The following GATB variants were observed in gnomAD, a reference collection of about 807,000 sequenced individuals.
GATB encodes glutamyl-tRNA(Gln) amidotransferase subunit B, mitochondrial.
In GATB, 39 loss-of-function variants were observed where a neutral mutation model predicts 62.3. The ratio of observed to expected loss-of-function variants is 0.63; its 90% CI spans 0.48 to 0.82. GATB has a LOEUF of 0.82. Ranked by LOEUF, GATB falls within the 40% of genes least tolerant of loss-of-function variation. GATB has a pLI of 0.00. For missense variants in GATB, 670 were observed against 684.0 expected, an observed-to-expected ratio of 0.98 and a Z score of 0.23; for synonymous variants, 276 against 258.9, an observed-to-expected ratio of 1.07 and a Z score of -0.63.
intron 12 of GATB, chr4:151,672,539 G>C (rs1737896752): frequency 1.8e-6 from 1 of 541,888 alleles, no homozygotes. Context: ...GTAAACTCCA[G>C]GGGTGGCATC....
intron 2 of GATB, among the ~76,000 whole-genome samples, chr4:151,733,871 C>T (rs1739317592): frequency 6.6e-6 from 1 of 152,116 alleles, no homozygotes; most frequent in African/African-American, 2.4e-5. Context: ...TCAATAGATG[C>T]AGAAAGGGCA....
At chr4:151,673,222 G>T (rs1327966669) in intron 11 of GATB, 2 of 202,238 alleles carry the variant, frequency 9.9e-6, no homozygotes, top group East Asian at 2.2e-4. Flanking sequence ...TGCCCAGAGG[G>T]ATGGTGAGTC....
At chr4:151,714,746 C>A (rs1259532848) in intron 5 of GATB, among the ~76,000 whole-genome samples, 2 of 152,084 alleles carry the variant, frequency 1.3e-5, no homozygotes, top group African/African-American at 4.8e-5. Flanking sequence ...ACACTTGGAG[C>A]ATAAATGGAT....
At position 151,730,499 on chromosome 4, in the gene GATB, A is replaced by G. The variant is rs986444614; in HGVS notation, c.328-10961T>C. 6.6e-6 allele frequency among the ~76,000 whole-genome samples: 1 copy of G among 152,228 alleles called. No homozygotes were observed. Among genetic ancestry groups the G allele is most frequent in the Non-Finnish European group, 1.5e-5 (1 of 68,040 alleles). On this transcript the variant is annotated intron_variant, in intron 2 of 12. Transcript: ENST00000263985. The surrounding 1 kb of genome is among the most constrained non-coding windows in gnomAD (Gnocchi z 4.1). The stretch of plus-strand genomic sequence containing the variant: ...AATAAAGCATTAAACCACCAAAGCT[A>G]AGGACTCCCACGGAGTCCACTGCAC...
intron 1 of GATB, among the ~76,000 whole-genome samples, chr4:151,760,218 A>G (rs1028956497): frequency 1.3e-5 from 2 of 152,208 alleles, no homozygotes; most frequent in Admixed American, 1.3e-4. Context: ...AATGAAGCAT[A>G]AACAGCTGTT....
chr4:151,741,954 A>G (rs907794805), intron 2 of GATB, among the ~76,000 whole-genome samples: 12 of 152,228 alleles, frequency 7.9e-5, no homozygotes, highest in African/African-American at 2.9e-4. Context: ...GAAAGAGCTC[A>G]GTCACCTGAT....
At chr4:151,724,978 G>C (rs1739109701) in intron 2 of GATB, among the ~76,000 whole-genome samples, 1 of 152,176 alleles carries the variant, frequency 6.6e-6, no homozygotes, top group Non-Finnish European at 1.5e-5. Flanking sequence ...GTATGAATCA[G>C]GAAAAGGAAA....
At position 151,730,351 on chromosome 4, in the gene GATB, A is replaced by G. The variant is rs6535819; in HGVS notation, c.328-10813T>C. On this transcript the variant is annotated intron_variant, in intron 2 of 12. Coordinates refer to ENST00000263985, the MANE Select transcript of GATB (RefSeq NM_004564.3). This position sits in a 1 kb window ranked among gnomAD's most constrained non-coding sequence, Gnocchi z 4.1. Reference sequence around the variant, plus strand: ...GTCCTTCCCTACTCAACCTGGTAACAGAAGACGAAGGACATACAATCTTGG... The same window carrying G: ...GTCCTTCCCTACTCAACCTGGTAACGGAAGACGAAGGACATACAATCTTGG... Among the ~76,000 whole-genome samples, 88,315 of 152,070 alleles carry G rather than the reference A, an allele frequency of 0.58. 27,830 individuals are homozygous for G. Among genetic ancestry groups the G allele is most frequent in the African/African-American group, 0.84 (35,045 of 41,508 alleles).
At chr4:151,671,355 C>T in intron 12 of GATB, 53 bp from the exon 13 acceptor site, 1 of 1,555,812 alleles carries the variant, frequency 6.4e-7, no homozygotes. Context: ...GGATTCATGC[C>T]CCCAAATCCC....
Position 151,671,067 on chromosome 4 carries a change from TGA to T in GATB, c.*105_*106del. ...CATAGCTGTGGCTTGGGACAGGGAT[TGA>T]GAGGCAGCTCTCAGGGCACATGGGC... On this transcript the variant is annotated 3_prime_UTR_variant, in exon 13 of 13. Transcript: ENST00000263985. The T allele has an allele frequency of 8.0e-7, 1 of 1,257,292 alleles. No homozygotes were observed. Among genetic ancestry groups the T allele is most frequent in the East Asian group, 2.3e-5 (1 of 43,080 alleles). 77.9% of individuals were successfully genotyped at this position (1,257,292 alleles called of 1,614,324 possible).
intron 2 of GATB, among the ~76,000 whole-genome samples, chr4:151,725,409 A>G (rs1739119029): frequency 6.6e-6 from 1 of 152,208 alleles, no homozygotes; most frequent in Non-Finnish European, 1.5e-5. Context: ...GCAAATACAT[A>G]CAGTTCTATG....
chr4:151,676,485 C>G (rs1393791117), intron 11 of GATB: 5 of 152,216 alleles, frequency 3.3e-5, no homozygotes, highest in African/African-American at 1.2e-4. Context: ...TCCCTTGAAC[C>G]ATGACTAACC....
intron 2 of GATB, among the ~76,000 whole-genome samples, chr4:151,727,738 G>A (rs1386600729): frequency 6.6e-6 from 1 of 152,194 alleles, no homozygotes; most frequent in Non-Finnish European, 1.5e-5. Context: ...TTCCTTATCT[G>A]TTTAGGGAAG....
chr4:151,686,663 A>AC, intron 10 of GATB, among the ~76,000 whole-genome samples: 1 of 68,488 alleles, frequency 1.5e-5, no homozygotes, highest in Non-Finnish European at 3.0e-5. Context: ...CCCCCCCCCC[A>AC]CCCCCCAGTT....
chr4:151,746,804 A>G (rs1312670892), intron 2 of GATB, among the ~76,000 whole-genome samples: 1 of 152,188 alleles, frequency 6.6e-6, no homozygotes, highest in Admixed American at 6.5e-5. Flanking sequence ...ATGCTGGGGA[A>G]CAGGGAGATG....
chr4:151,708,154 C>T (rs934514176), intron 5 of GATB, 53 bp from the exon 6 acceptor site: 108 of 1,197,206 alleles, frequency 9.0e-5, no homozygotes, highest in Non-Finnish European at 1.2e-4. Flanking sequence ...GTGACATAGT[C>T]TTTTAAAGGC....
chr4:151,757,737 A>G (rs550291977), intron 2 of GATB, among the ~76,000 whole-genome samples: 2 of 152,136 alleles, frequency 1.3e-5, no homozygotes, highest in East Asian at 1.9e-4. Flanking sequence ...TTGGCCTTCC[A>G]AAGTGCTGGG....
chr4:151,724,922 CAA>C (rs1739105970), intron 2 of GATB, among the ~76,000 whole-genome samples: 1 of 152,058 alleles, frequency 6.6e-6, no homozygotes, highest in African/African-American at 2.4e-5. Context: ...TATCAACATT[CAA>C]AAGACTATAA....
chr4:151,670,728 T>C lies in GATB; in HGVS notation c.*446A>G, dbSNP rs1186319414. ...TGTGTTTAGGTCTGAAAACAATACATCCAAATTACAGTCTCTCTTGACCAC... is the reference window on the plus strand; with the variant it reads ...TGTGTTTAGGTCTGAAAACAATACACCCAAATTACAGTCTCTCTTGACCAC... On this transcript the variant is annotated 3_prime_UTR_variant, in exon 13 of 13. Transcript: ENST00000263985. 1 of 155,208 alleles carries C rather than the reference T, an allele frequency of 6.4e-6. No homozygotes were observed. Among genetic ancestry groups the C allele is most frequent in the Non-Finnish European group, 1.4e-5 (1 of 69,922 alleles). 9.6% of individuals were successfully genotyped at this position (155,208 alleles called of 1,614,324 possible). A position where few individuals can be genotyped will look rare whatever the true frequency, so the allele number is the denominator to read the frequency against.
Sources: gnomAD v4.1 joint callset for allele counts (sites outside exome capture counted in the v4.1 genomes callset) on GRCh38, gnomAD v4.1.1 for gene constraint, Gnocchi (gnomAD v3.1) non-coding constraint, MANE v1.5 for transcripts, NCBI Gene and HGNC (gene_info 2026-07-23, HGNC 2026-07-21) for gene names.